Variants in PRKN observed in about 807,000 individuals in gnomAD.
The protein encoded by PRKN is E3 ubiquitin-protein ligase parkin.
PRKN carries 56 observed loss-of-function variants against 59.5 expected under a neutral mutation model. The ratio of observed to expected loss-of-function variants is 0.94; its 90% CI spans 0.76 to 1.18. The LOEUF (loss-of-function observed/expected upper bound fraction) is 1.18, where lower values mean the gene tolerates loss of function less well. PRKN is among the 50% of genes most tolerant of loss of function. The probability of loss-of-function intolerance (pLI) is 0.00; values close to 1 mark genes in which losing one functional copy is unlikely to be tolerated. For synonymous variants in PRKN, 250 were observed against 222.1 expected (o/e 1.13, Z -1.12); for missense variants, 657 against 596.4 (o/e 1.10, Z -1.06).
intron 2 of PRKN, among the ~76,000 whole-genome samples, chr6:162,263,882 C>T (rs1028657628): frequency 2.0e-5 from 3 of 151,276 alleles, no homozygotes; most frequent in African/African-American, 7.3e-5. Context: ...TGAACGCCAC[C>T]CCCACCCCCC....
chr6:161,697,964 G>A (rs188131486), intron 7 of PRKN, among the ~76,000 whole-genome samples: 62 of 152,106 alleles, frequency 4.1e-4, no homozygotes, highest in Non-Finnish European at 6.0e-4. Context: ...AAGGTTCCAA[G>A]TGTTTCTTTT....
intron 2 of PRKN, among the ~76,000 whole-genome samples, chr6:162,344,194 G>C (rs554715334): frequency 7.1e-4 from 108 of 152,164 alleles, no homozygotes; most frequent in Middle Eastern, 3.4e-3. Flanking sequence ...TTTTTGAAGA[G>C]CATATTGCAC....
At chr6:162,328,790 G>A (rs973221909) in intron 2 of PRKN, among the ~76,000 whole-genome samples, 2 of 152,162 alleles carry the variant, frequency 1.3e-5, no homozygotes, top group African/African-American at 4.8e-5. Flanking sequence ...GGCTGCCAAG[G>A]TAGGTGTGCC....
chr6:162,233,765 A>G (rs1401823182), intron 3 of PRKN, among the ~76,000 whole-genome samples: 1 of 152,176 alleles, frequency 6.6e-6, no homozygotes, highest in Non-Finnish European at 1.5e-5. Flanking sequence ...CTAGGATTAG[A>G]TGAGGTCATC....
intron 6 of PRKN, among the ~76,000 whole-genome samples, chr6:161,891,213 G>A (rs566689913): frequency 1.2e-4 from 19 of 152,256 alleles, no homozygotes; most frequent in African/African-American, 4.3e-4. Flanking sequence ...GGGCCACAGC[G>A]CCTCCCCTTC....
intron 4 of PRKN, among the ~76,000 whole-genome samples, chr6:162,060,739 T>C (rs971143926): frequency 3.3e-5 from 5 of 152,236 alleles, no homozygotes; most frequent in Admixed American, 1.3e-4. Context: ...AGTATATGCA[T>C]TGATGCTTAA....
In PRKN at chr6:162,233,894, C is replaced by T. The variant is rs77260842; in HGVS notation, c.412+28631G>A. On this transcript the variant is annotated intron_variant, in intron 3 of 11. Coordinates refer to ENST00000366898, the MANE Select transcript of PRKN (RefSeq NM_004562.3). ...CAGCAAGAAGGCCCTCACCAGATGC[C>T]GGTGGCATGCTCTTGGACTTTCCAG... Among the ~76,000 whole-genome samples the T allele has an allele frequency of 1.0e-2, 1,522 of 152,246 alleles. 13 individuals are homozygous for T. Among genetic ancestry groups the T allele is most frequent in the Non-Finnish European group, 0.016 (1,085 of 68,012 alleles).
chr6:162,619,923 T>C (rs1562442741), intron 1 of PRKN, among the ~76,000 whole-genome samples: 1 of 152,162 alleles, frequency 6.6e-6, no homozygotes. Flanking sequence ...TTAATGAGGG[T>C]ATCTTCTCTC....
intron 1 of PRKN, among the ~76,000 whole-genome samples, chr6:162,487,250 G>C (rs1024486272): frequency 6.6e-6 from 1 of 152,152 alleles, no homozygotes; most frequent in Non-Finnish European, 1.5e-5. Flanking sequence ...CTTCCTTATG[G>C]AGTGGTTGTT....
intron 9 of PRKN, among the ~76,000 whole-genome samples, chr6:161,496,463 G>A (rs1300293489): frequency 6.6e-6 from 1 of 152,238 alleles, no homozygotes; most frequent in Non-Finnish European, 1.5e-5. Context: ...CATGGCTGGG[G>A]AGGCCTCACA....
intron 4 of PRKN, among the ~76,000 whole-genome samples, chr6:162,171,144 A>G (rs1267289750): frequency 6.6e-6 from 1 of 152,060 alleles, no homozygotes; most frequent in African/African-American, 2.4e-5. Context: ...TGGTAAATAC[A>G]CAGGCAGGAA....
At chr6:162,615,020 G>C (rs2128219606) in intron 1 of PRKN, among the ~76,000 whole-genome samples, 1 of 152,248 alleles carries the variant, frequency 6.6e-6, no homozygotes, top group South Asian at 2.1e-4. Flanking sequence ...ACAGTAATTA[G>C]ACACCTCAGC....
intron 1 of PRKN, among the ~76,000 whole-genome samples, chr6:162,722,080 G>A (rs569701169): frequency 7.7e-4 from 117 of 152,168 alleles, no homozygotes; most frequent in African/African-American, 2.7e-3. Flanking sequence ...GCCCAACTAG[G>A]CCACAAACTT....
chr6:162,717,759 A>C (rs1778784244), intron 1 of PRKN, among the ~76,000 whole-genome samples: 1 of 152,160 alleles, frequency 6.6e-6, no homozygotes, highest in Non-Finnish European at 1.5e-5. Context: ...TATGGTTCTA[A>C]TGTTTGTTTT....
chr6:162,254,024 C>G (rs774544215), intron 3 of PRKN, among the ~76,000 whole-genome samples: 1 of 152,120 alleles, frequency 6.6e-6, no homozygotes, highest in African/African-American at 2.4e-5. Context: ...AAATGTTTGC[C>G]TTAGTTTTCA....
At chr6:161,925,329 T>C (rs1778928562) in intron 6 of PRKN, among the ~76,000 whole-genome samples, 1 of 152,148 alleles carries the variant, frequency 6.6e-6, no homozygotes, top group African/African-American at 2.4e-5. Context: ...CCCAGCACTT[T>C]GGGAGGCAGA....
intron 1 of PRKN, among the ~76,000 whole-genome samples, chr6:162,584,268 T>C (rs572195089): frequency 6.6e-6 from 1 of 150,790 alleles, no homozygotes; most frequent in East Asian, 1.9e-4. Context: ...AAACACTGAC[T>C]ATATTTACAT....
At chr6:161,555,367 G>A (rs1271720655) in intron 8 of PRKN, among the ~76,000 whole-genome samples, 3 of 152,046 alleles carry the variant, frequency 2.0e-5, no homozygotes, top group Admixed American at 1.3e-4. Context: ...AGCCCTGTAC[G>A]GGACTGAACC....
chr6:162,583,491 G>A (rs971654223), intron 1 of PRKN, among the ~76,000 whole-genome samples: 7 of 152,162 alleles, frequency 4.6e-5, no homozygotes, highest in African/African-American at 1.7e-4. Context: ...ATCCAAAAGG[G>A]CTGGCTGGTG....
Sources: gnomAD v4.1 joint callset for allele counts (sites outside exome capture counted in the v4.1 genomes callset) on GRCh38, gnomAD v4.1.1 for gene constraint, MANE v1.5 for transcripts, NCBI Gene and HGNC (gene_info 2026-07-23, HGNC 2026-07-21) for gene names.